Variants in KHDRBS2 observed in about 807,000 individuals in gnomAD.
KHDRBS2 encodes KH domain-containing, RNA-binding, signal transduction-associated protein 2.
In KHDRBS2, 26 loss-of-function variants were observed where a neutral mutation model predicts 44.3. The ratio of observed to expected loss-of-function variants is 0.59; its 90% CI spans 0.43 to 0.81. The LOEUF is 0.81. KHDRBS2 is among the 40% of genes least tolerant of loss of function. KHDRBS2 has a pLI of 0.00. For synonymous variants in KHDRBS2, 194 were observed against 151.1 expected (o/e 1.28, Z -2.08); for missense variants, 476 against 433.1 (o/e 1.10, Z -0.88).
chr6:62,220,814 A>C (rs2150152101), intron 1 of KHDRBS2, among the ~76,000 whole-genome samples: 1 of 152,106 alleles, frequency 6.6e-6, no homozygotes, highest in East Asian at 1.9e-4. Context: ...TGATAGATTT[A>C]AAAGCAAGTA....
chr6:62,261,542 GT>G (rs1838342597), intron 1 of KHDRBS2, among the ~76,000 whole-genome samples: 1 of 151,800 alleles, frequency 6.6e-6, no homozygotes, highest in African/African-American at 2.4e-5. Context: ...TAGTATAAAA[GT>G]AAATAAGCTT....
the KHDRBS2 span, among the ~76,000 whole-genome samples, chr6:61,654,307 T>G: frequency 6.6e-6 from 1 of 152,070 alleles, no homozygotes; most frequent in Non-Finnish European, 1.5e-5. Flanking sequence ...AGCAGAAACA[T>G]AGAAAAATAC....
At chr6:61,707,124 C>T (rs1353945359) in intron 7 of KHDRBS2, among the ~76,000 whole-genome samples, 2 of 151,490 alleles carry the variant, frequency 1.3e-5, no homozygotes, top group Non-Finnish European at 3.0e-5. Flanking sequence ...TTTGGAAATT[C>T]AGAGGAAGAG....
Position 61,967,712 on chromosome 6 carries a change from TATTA to T in KHDRBS2, c.483+10350_483+10353del, listed in dbSNP as rs1466399969. On this transcript the variant is annotated intron_variant, in intron 4 of 8. Coordinates refer to ENST00000281156, the MANE Select transcript of KHDRBS2 (RefSeq NM_152688.4). Reference sequence around the variant, plus strand: ...GGATTATTTTAATGTTGAAGTTATTTATTAGATTTCCTACACTGTCTAGGACTCA... The same window carrying T: ...GGATTATTTTAATGTTGAAGTTATTTGATTTCCTACACTGTCTAGGACTCA... 3.3e-5 allele frequency among the ~76,000 whole-genome samples: 5 copies of T among 151,724 alleles called. 1 individual carries two copies. Among genetic ancestry groups the T allele is most frequent in the African/African-American group, 1.2e-4 (5 of 41,416 alleles).
In KHDRBS2 at chr6:62,040,816, G is replaced by A. The variant is rs549649385; in HGVS notation, c.336+7062C>T. On this transcript the variant is annotated intron_variant, in intron 3 of 8. Coordinates refer to ENST00000281156, the MANE Select transcript of KHDRBS2 (RefSeq NM_152688.4). Reference sequence around the variant, plus strand: ...CTTCCAATGTAGCCCCCAAAATCACGAACCAACACTACTCTGCATTCTATT... The same window carrying A: ...CTTCCAATGTAGCCCCCAAAATCACAAACCAACACTACTCTGCATTCTATT... Among the ~76,000 whole-genome samples, 8 of 152,106 alleles carry A rather than the reference G, an allele frequency of 5.3e-5. No individual in the cohort carries two copies. In the South Asian group the frequency reaches 8.3e-4, roughly 16 times the overall value.
intron 3 of KHDRBS2, among the ~76,000 whole-genome samples, chr6:62,047,510 G>A (rs1297553368): frequency 6.6e-6 from 1 of 151,808 alleles, no homozygotes; most frequent in African/African-American, 2.4e-5. Context: ...TGATACAATG[G>A]ATGTTATTAG....
At chr6:62,151,960 T>C (rs1430434842) in intron 2 of KHDRBS2, among the ~76,000 whole-genome samples, 1 of 152,202 alleles carries the variant, frequency 6.6e-6, no homozygotes, top group Non-Finnish European at 1.5e-5. Flanking sequence ...CATATCTTAA[T>C]AGCTATGTGA....
the KHDRBS2 span, among the ~76,000 whole-genome samples, chr6:61,578,593 T>A: frequency 6.6e-6 from 1 of 152,176 alleles, no homozygotes; most frequent in Non-Finnish European, 1.5e-5. Context: ...AAAATTTGCC[T>A]TATAAAAACC....
At chr6:62,190,173 A>T (rs1824300938) in intron 1 of KHDRBS2, among the ~76,000 whole-genome samples, 1 of 152,176 alleles carries the variant, frequency 6.6e-6, no homozygotes, top group East Asian at 1.9e-4. Flanking sequence ...AAGTGCAGAA[A>T]GTATCTTAAG....
In KHDRBS2 at chr6:62,115,661, C is replaced by T. The variant is rs543673149; in HGVS notation, c.219+61524G>A. Among the ~76,000 whole-genome samples, 57 of 152,278 alleles carry T rather than the reference C, an allele frequency of 3.7e-4. No homozygotes were observed. The South Asian group carries it at 4.6e-3, about 12-fold the overall frequency. On this transcript the variant is annotated intron_variant, in intron 2 of 8. Transcript: ENST00000281156. ...AGAACAACTTTGGAAAACCCAGAGACTATTCTTTTTCTAATTAACAGAGAT... is the reference window on the plus strand; with the variant it reads ...AGAACAACTTTGGAAAACCCAGAGATTATTCTTTTTCTAATTAACAGAGAT...
chr6:62,285,833 GC>G, intron 1 of KHDRBS2, 24 bp downstream of exon 1: 1 of 1,571,902 alleles, frequency 6.4e-7, no homozygotes, highest in Non-Finnish European at 8.7e-7. Context: ...GGCGGTTTGT[GC>G]CCATCTGTGG....
chr6:61,660,499 G>T, the KHDRBS2 span, among the ~76,000 whole-genome samples: 1 of 151,680 alleles, frequency 6.6e-6, no homozygotes, highest in East Asian at 1.9e-4. Context: ...TTAAGCAAAT[G>T]TAAGTGTAAT....
Position 62,177,294 on chromosome 6 carries a change from C to A in KHDRBS2, c.110G>T (p.Gly37Val). ...LLAEEIEKFQ[G>V]SDGKKEDEEK... ...TTCGTCTTCCTTTTTTCCATCAGAA[C>A]CTTGAAACTTTTCAATTTCTGGAAG... Residue 37 changes from glycine to valine, a missense_variant, in exon 2 of 9, where the codon GGT becomes GTT. By Grantham distance (109) the Gly-to-Val change is moderately radical. Coordinates refer to ENST00000281156, the MANE Select transcript of KHDRBS2 (RefSeq NM_152688.4). The A allele has an allele frequency of 4.4e-6, 7 of 1,595,472 alleles. No homozygotes were observed. The highest frequency in any genetic ancestry group is 6.0e-6 in the Non-Finnish European group (7 of 1,168,450).
At chr6:62,182,025 T>C (rs1303228600) in intron 1 of KHDRBS2, among the ~76,000 whole-genome samples, 1 of 152,004 alleles carries the variant, frequency 6.6e-6, no homozygotes, top group South Asian at 2.1e-4. Context: ...CCTTCAACAA[T>C]GTGAAGACAC....
intron 1 of KHDRBS2, among the ~76,000 whole-genome samples, chr6:62,181,417 C>A (rs1251319277): frequency 2.0e-5 from 3 of 151,718 alleles, no homozygotes; most frequent in Non-Finnish European, 2.9e-5. Context: ...AGATGATATG[C>A]AAATGGACAA....
chr6:61,740,479 A>G (rs1775986430), intron 6 of KHDRBS2, among the ~76,000 whole-genome samples: 1 of 151,940 alleles, frequency 6.6e-6, no homozygotes, highest in African/African-American at 2.4e-5. Flanking sequence ...TGGTAGAATG[A>G]CAAATTTAGA....
Position 62,141,224 on chromosome 6 carries a change from A to G in KHDRBS2, c.219+35961T>C, listed in dbSNP as rs147970651. Among the ~76,000 whole-genome samples, 375 of 152,300 alleles carry G rather than the reference A, an allele frequency of 2.5e-3. 3 individuals are homozygous for G. Among genetic ancestry groups the G allele is most frequent in the African/African-American group, 8.3e-3 (343 of 41,572 alleles). ...GAATGCATATTGTAAAGCTAAAATGAGAAAGAGAGAAGATATTAGACAGCA... is the reference window on the plus strand; with the variant it reads ...GAATGCATATTGTAAAGCTAAAATGGGAAAGAGAGAAGATATTAGACAGCA... On this transcript the variant is annotated intron_variant, in intron 2 of 8. Transcript: ENST00000281156.
chr6:62,028,369 G>A (rs771334163), intron 3 of KHDRBS2, among the ~76,000 whole-genome samples: 7 of 151,950 alleles, frequency 4.6e-5, no homozygotes, highest in African/African-American at 7.2e-5. Context: ...AATTCTTTTT[G>A]TTCAGTGTGT....
intron 2 of KHDRBS2, among the ~76,000 whole-genome samples, chr6:62,075,238 A>G (rs1231504738): frequency 1.3e-5 from 2 of 151,876 alleles, no homozygotes; most frequent in Admixed American, 6.6e-5. Context: ...ACATTGTCAT[A>G]AATGGATTCC....
Sources: gnomAD v4.1 joint callset for allele counts (sites outside exome capture counted in the v4.1 genomes callset) on GRCh38, gnomAD v4.1.1 for gene constraint, MANE v1.5 for transcripts, NCBI Gene and HGNC (gene_info 2026-07-23, HGNC 2026-07-21) for gene names.